The following CATSPERB variants were observed in gnomAD, a reference collection of about 807,000 sequenced individuals.
CATSPERB encodes the protein cation channel sperm-associated auxiliary subunit beta.
In CATSPERB, 93 loss-of-function variants were observed where a neutral mutation model predicts 128.3. The ratio of observed to expected loss-of-function variants is 0.72; its 90% CI spans 0.61 to 0.86. CATSPERB has a LOEUF of 0.86. CATSPERB is among the 40% of genes least tolerant of loss of function. CATSPERB has a pLI of 0.00. For missense variants in CATSPERB, 1,153 were observed against 1,329.5 expected, an observed-to-expected ratio of 0.87 and a Z score of 2.06; for synonymous variants, 381 against 448.8, an observed-to-expected ratio of 0.85 and a Z score of 1.91.
chr14:91,712,588 A>G (rs1895857859), intron 5 of CATSPERB, among the ~76,000 whole-genome samples: 1 of 152,216 alleles, frequency 6.6e-6, no homozygotes, highest in African/African-American at 2.4e-5. Flanking sequence ...TTTGTATTGC[A>G]TCGTTTACTG....
chr14:91,645,975 G>A (rs1048369172), intron 15 of CATSPERB, among the ~76,000 whole-genome samples: 7 of 150,078 alleles, frequency 4.7e-5, no homozygotes, highest in Middle Eastern at 3.4e-3. Flanking sequence ...GATTTTCCAG[G>A]TGCGTCCGTC....
intron 11 of CATSPERB, among the ~76,000 whole-genome samples, chr14:91,676,892 A>T (rs1226145164): frequency 6.6e-6 from 1 of 152,220 alleles, no homozygotes; most frequent in Non-Finnish European, 1.5e-5. Context: ...CCAATGGAAC[A>T]TAACAGAGAC....
intron 11 of CATSPERB, among the ~76,000 whole-genome samples, chr14:91,682,190 C>T (rs536471438): frequency 6.6e-6 from 1 of 152,234 alleles, no homozygotes; most frequent in Non-Finnish European, 1.5e-5. Context: ...GGGCAATTCA[C>T]CCATTTCCCT....
chr14:91,700,855 A>G (rs930873130), intron 7 of CATSPERB, among the ~76,000 whole-genome samples: 3 of 152,060 alleles, frequency 2.0e-5, no homozygotes, highest in African/African-American at 7.2e-5. Context: ...AAAACTAACT[A>G]TTGGGTGCTA....
rs2139767025 is a variant in CATSPERB at position 91,708,205 on chromosome 14, T to C, written c.402A>G (p.Arg134=). 6.2e-7 allele frequency: 1 copy of C among 1,610,196 alleles called. No homozygotes were observed. Among genetic ancestry groups the C allele is most frequent in the Non-Finnish European group, 8.5e-7 (1 of 1,177,722 alleles). Reference sequence around the variant, plus strand: ...TATTTAGTCCATGATGTAAAGTGATTCTTACTAACCATTCTTCTACAGCTG... The same window carrying C: ...TATTTAGTCCATGATGTAAAGTGATCCTTACTAACCATTCTTCTACAGCTG... ...DIAAVEEWLV[R]ITLHHGLNIY... Residue 134 remains arginine (R), a synonymous_variant, in exon 6 of 27, where the codon AGA becomes AGG. Transcript: ENST00000256343.
intron 15 of CATSPERB, among the ~76,000 whole-genome samples, chr14:91,646,576 G>A (rs1894610764): frequency 6.6e-6 from 1 of 152,204 alleles, no homozygotes; most frequent in African/African-American, 2.4e-5. Context: ...ACCGTGGTAT[G>A]AATTCCAGTC....
intron 22 of CATSPERB, chr14:91,605,150 GAGGA>G (rs1893677073): frequency 3.7e-6 from 5 of 1,350,864 alleles, no homozygotes; most frequent in South Asian, 2.3e-5. Flanking sequence ...CAGATCCACG[GAGGA>G]AGGAAGAGGA....
At chr14:91,730,361 A>C (rs1029856172) in intron 1 of CATSPERB, among the ~76,000 whole-genome samples, 3 of 152,222 alleles carry the variant, frequency 2.0e-5, no homozygotes, top group African/African-American at 7.2e-5. Context: ...GGAGAGACGC[A>C]TGAACAGTTC....
intron 22 of CATSPERB, among the ~76,000 whole-genome samples, chr14:91,605,546 AT>A (rs1893684790): frequency 6.6e-6 from 1 of 152,196 alleles, no homozygotes; most frequent in Non-Finnish European, 1.5e-5. Context: ...ATTTGAAATC[AT>A]TTCCACGGCC....
At chr14:91,639,296 G>A in intron 15 of CATSPERB, 46 bp from the exon 16 acceptor site, 1 of 1,545,798 alleles carries the variant, frequency 6.5e-7, no homozygotes, top group Non-Finnish European at 8.8e-7. Context: ...TGTAACAGAA[G>A]TCGAAAAACT....
chr14:91,627,203 G>A (rs1033685891), intron 17 of CATSPERB, among the ~76,000 whole-genome samples: 1 of 152,082 alleles, frequency 6.6e-6, no homozygotes, highest in African/African-American at 2.4e-5. Context: ...TTAGTAATTG[G>A]TACCTTACTA....
chr14:91,672,407 G>A (rs533615643), intron 13 of CATSPERB, among the ~76,000 whole-genome samples: 3 of 152,210 alleles, frequency 2.0e-5, no homozygotes, highest in Non-Finnish European at 2.9e-5. Flanking sequence ...TCAGCCTCCC[G>A]AGTTGCTGGG....
At chr14:91,616,335 TA>T (rs899210726) in intron 20 of CATSPERB, among the ~76,000 whole-genome samples, 5 of 151,192 alleles carry the variant, frequency 3.3e-5, no homozygotes, top group East Asian at 3.9e-4. Context: ...TGATTTACAA[TA>T]AAAAAAAAGA....
At chr14:91,629,440 A>G (rs1328215259) in intron 17 of CATSPERB, among the ~76,000 whole-genome samples, 2 of 152,188 alleles carry the variant, frequency 1.3e-5, no homozygotes, top group African/African-American at 4.8e-5. Context: ...TATTGTGATG[A>G]TGAATACTTA....
At chr14:91,730,466 T>G (rs1189932151) in intron 1 of CATSPERB, among the ~76,000 whole-genome samples, 1 of 152,188 alleles carries the variant, frequency 6.6e-6, no homozygotes, top group Non-Finnish European at 1.5e-5. Context: ...TTCTGTTGTT[T>G]AAGCCACCCA....
chr14:91,708,222 C>G lies in CATSPERB; in HGVS notation c.385G>C (p.Glu129Gln). 1 of 1,602,958 alleles carries G rather than the reference C, an allele frequency of 6.2e-7. No homozygotes were observed. The highest frequency in any genetic ancestry group is 8.5e-7 in the Non-Finnish European group (1 of 1,173,132). ...AAAGTGATTCTTACTAACCATTCTT[C>G]TACAGCTGCAATATCTGTTTGAAAA... is the stretch of plus-strand genomic sequence containing the variant. ...ITQSTDIAAV[E>Q]EWLVRITLHH... Residue 129 changes from glutamate to glutamine, a missense_variant, in exon 6 of 27, where the codon GAA becomes CAA. Glu to Gln is a conservative substitution (Grantham distance 29). Coordinates refer to ENST00000256343, the MANE Select transcript of CATSPERB (RefSeq NM_024764.4).
intron 14 of CATSPERB, among the ~76,000 whole-genome samples, chr14:91,664,874 C>A (rs1481944567): frequency 6.6e-6 from 1 of 152,136 alleles, no homozygotes; most frequent in Non-Finnish European, 1.5e-5. Flanking sequence ...TGTCCACAAT[C>A]AAAACACACA....
At chr14:91,661,815 C>T (rs1048362975) in intron 14 of CATSPERB, among the ~76,000 whole-genome samples, 8 of 152,068 alleles carry the variant, frequency 5.3e-5, no homozygotes, top group Non-Finnish European at 1.0e-4. Flanking sequence ...TGAGCCACTG[C>T]ATCTAGCCAC....
At chr14:91,611,210 A>T (rs1893819407) in intron 20 of CATSPERB, among the ~76,000 whole-genome samples, 1 of 152,204 alleles carries the variant, frequency 6.6e-6, no homozygotes, top group South Asian at 2.1e-4. Flanking sequence ...GACCATAAAG[A>T]TCTGTTTGAG....
Sources: gnomAD v4.1 joint callset for allele counts (sites outside exome capture counted in the v4.1 genomes callset) on GRCh38, gnomAD v4.1.1 for gene constraint, MANE v1.5 for transcripts, NCBI Gene and HGNC (gene_info 2026-07-23, HGNC 2026-07-21) for gene names.